CHUK: variants seen among roughly 807,000 people sequenced by gnomAD.
CHUK encodes the protein component of inhibitor of nuclear factor kappa B kinase complex, also known as inhibitor of nuclear factor kappa-B kinase subunit alpha.
Under a neutral mutation model 104.8 loss-of-function variants are expected in CHUK, and 35 were observed. That is an observed-to-expected ratio of 0.33 (90% confidence interval 0.26 to 0.44). The LOEUF (loss-of-function observed/expected upper bound fraction) is 0.44. Ranked by LOEUF, CHUK falls within the 20% of genes least tolerant of loss-of-function variation. The probability of loss-of-function intolerance (pLI) is 1.00; values close to 1 mark genes in which losing one functional copy is unlikely to be tolerated. For synonymous variants in CHUK, 276 were observed against 291.9 expected (o/e 0.95, Z 0.56); for missense variants, 663 against 902.7 (o/e 0.73, Z 3.40).
In CHUK at chr10:100,222,862, C is replaced by G. The variant is rs1313479593; in HGVS notation, c.315+4G>C. 1 of 1,392,808 alleles carries G rather than the reference C, an allele frequency of 7.2e-7. No homozygotes were observed. Among genetic ancestry groups the G allele is most frequent in the African/African-American group, 1.4e-5 (1 of 70,598 alleles). 86.3% of individuals were successfully genotyped at this position (1,392,808 alleles called of 1,614,324 possible). On this transcript the variant is annotated splice_donor_region_variant and intron_variant, in intron 3 of 20. Coordinates refer to ENST00000370397, the MANE Select transcript of CHUK (RefSeq NM_001278.5). ...TCTCTCTCATCTCAAAACATCCACACTACCTTTCGGAGATCTCCTCCAGAA... is the reference window on the plus strand; with the variant it reads ...TCTCTCTCATCTCAAAACATCCACAGTACCTTTCGGAGATCTCCTCCAGAA...
At chr10:100,204,458 C>A (rs749671032) in intron 13 of CHUK, 48 bp downstream of exon 13, 5 of 1,548,232 alleles carry the variant, frequency 3.2e-6, no homozygotes, top group Non-Finnish European at 3.6e-6. Flanking sequence ...TAACAGATGG[C>A]TTCAAGAAAC....
intron 9 of CHUK, among the ~76,000 whole-genome samples, chr10:100,210,964 G>A (rs969562038): frequency 2.0e-5 from 3 of 152,178 alleles, no homozygotes; most frequent in African/African-American, 7.2e-5. Flanking sequence ...CCTTAGAAAA[G>A]CCATACGAAA....
chr10:100,186,444 T>A (rs1320900195), downstream of CHUK: 1 of 168,218 alleles, frequency 5.9e-6, no homozygotes, highest in Non-Finnish European at 1.3e-5. Flanking sequence ...AATAAAGTGC[T>A]GTGAAAGTTC....
Position 100,209,704 on chromosome 10 carries a change from C to A in CHUK, c.1019G>T (p.Arg340Leu), listed in dbSNP as rs768130950. ...PDESLHSLQS[R>L]IERETGINTG... Reference sequence around the variant, plus strand: ...ATTTATTCCAGTTTCACGCTCAATACGAGACTGTAGTGAATGAAGACTTTC... The same window carrying A: ...ATTTATTCCAGTTTCACGCTCAATAAGAGACTGTAGTGAATGAAGACTTTC... Residue 340 changes from arginine to leucine, a missense_variant, in exon 10 of 21, where the codon CGT becomes CTT. Coordinates refer to ENST00000370397, the MANE Select transcript of CHUK (RefSeq NM_001278.5). 8 of 1,576,658 alleles carry A rather than the reference C, an allele frequency of 5.1e-6. No homozygotes were observed. Among genetic ancestry groups the A allele is most frequent in the Non-Finnish European group, 7.0e-6 (8 of 1,146,272 alleles).
At chr10:100,216,658 G>A (rs1254516541) in intron 9 of CHUK, among the ~76,000 whole-genome samples, 4 of 152,134 alleles carry the variant, frequency 2.6e-5, no homozygotes, top group Non-Finnish European at 4.4e-5. Flanking sequence ...GAGCTATCTC[G>A]CCATGTACTC....
chr10:100,200,686 T>A lies in CHUK; in HGVS notation c.1664A>T (p.Asp555Val). Residue 555 changes from aspartate (D) to valine (V), a missense_variant, in exon 15 of 21, where the codon GAC becomes GTC. Asp to Val is a radical substitution (Grantham distance 152). Around this residue, in one of 5 missense-constraint regions of CHUK, gnomAD observed 311 missense variants for 393.4 expected, o/e 0.79. Coordinates refer to ENST00000370397, the MANE Select transcript of CHUK (RefSeq NM_001278.5). ...QKSPYGRRQG[D>V]LMESLEQRAI... ...GCATCCTTACAGAGATTCCATCAAG[T>A]CTCCCTGACGTCTTCCATAGGGGCT... is the stretch of plus-strand genomic sequence containing the variant. The A allele has an allele frequency of 6.5e-7, 1 of 1,528,840 alleles. No individual in the cohort carries two copies. Among genetic ancestry groups the A allele is most frequent in the Non-Finnish European group, 9.1e-7 (1 of 1,102,970 alleles). 94.7% of individuals were successfully genotyped at this position (1,528,840 alleles called of 1,614,324 possible).
rs189928575 is a variant in CHUK, at chr10:100,209,026, C to G, written c.1128+569G>C. The stretch of plus-strand genomic sequence containing the variant: ...TAAACCTCTGTGATTTAATAGGAGA[C>G]AAGATAAGGGTAATCACCCCAGCAC... On this transcript the variant is annotated intron_variant, in intron 10 of 20. Transcript: ENST00000370397. 3.0e-3 allele frequency among the ~76,000 whole-genome samples: 454 copies of G among 152,200 alleles called. 4 individuals are homozygous for G. Among genetic ancestry groups the G allele is most frequent in the African/African-American group, 0.011 (443 of 41,520 alleles).
intron 4 of CHUK, 39 bp downstream of exon 4, chr10:100,222,073 G>C (rs759007581): frequency 5.6e-5 from 57 of 1,019,360 alleles, no homozygotes; most frequent in Non-Finnish European, 8.7e-5. Flanking sequence ...GGGCCAAAGG[G>C]ACATTACATT....
chr10:100,215,891 T>A (rs1049042687), intron 9 of CHUK, among the ~76,000 whole-genome samples: 13 of 152,218 alleles, frequency 8.5e-5, no homozygotes, highest in African/African-American at 2.4e-4. Flanking sequence ...CTAAAAACTC[T>A]CATTCTTCAA....
chr10:100,208,582 G>A (rs974710497), intron 10 of CHUK, among the ~76,000 whole-genome samples: 4 of 152,148 alleles, frequency 2.6e-5, no homozygotes, highest in South Asian at 2.1e-4. Flanking sequence ...TAGGCAGATC[G>A]CCTGAGGTCG....
intron 16 of CHUK, among the ~76,000 whole-genome samples, chr10:100,199,137 C>T (rs1304202248): frequency 6.6e-6 from 1 of 152,170 alleles, no homozygotes; most frequent in African/African-American, 2.4e-5. Context: ...CTCTTTCCAG[C>T]AGACCTTGCT....
intron 13 of CHUK, among the ~76,000 whole-genome samples, chr10:100,202,719 T>C (rs1197156897): frequency 6.6e-6 from 1 of 152,090 alleles, no homozygotes; most frequent in Non-Finnish European, 1.5e-5. Flanking sequence ...TAAAAATATA[T>C]ATATTTATAC....
At chr10:100,226,738 G>A (rs977151736) in intron 1 of CHUK, among the ~76,000 whole-genome samples, 1 of 152,232 alleles carries the variant, frequency 6.6e-6, no homozygotes, top group Non-Finnish European at 1.5e-5. Flanking sequence ...CACAAGGAGA[G>A]TTCAAAAGAA....
At chr10:100,198,396 C>G (rs918976717) in intron 16 of CHUK, among the ~76,000 whole-genome samples, 9 of 152,180 alleles carry the variant, frequency 5.9e-5, no homozygotes, top group Admixed American at 5.9e-4. Flanking sequence ...ACTGCTTTAT[C>G]AAGGACATTT....
rs56149905 is a variant in CHUK at position 100,208,782 on chromosome 10, TA to T, written c.1128+812del. ...GCCTGGGCAACAGAGCAAGACTGTC[TA>T]AAAAAAAAAAAAACTGGAAGAGCCA... On this transcript the variant is annotated intron_variant, in intron 10 of 20. Coordinates refer to ENST00000370397, the MANE Select transcript of CHUK (RefSeq NM_001278.5). Among the ~76,000 whole-genome samples, 576 of 125,490 alleles carry T rather than the reference TA, an allele frequency of 4.6e-3. 7 individuals carry two copies. The highest frequency in any genetic ancestry group is 7.9e-3 in the Middle Eastern group (2 of 252). 82.3% of individuals were successfully genotyped at this position (125,490 alleles called of 152,430 possible).
At chr10:100,220,716 CATT>C (rs1845967090) in intron 4 of CHUK, 40 bp from the exon 5 acceptor site, 2 of 1,350,162 alleles carry the variant, frequency 1.5e-6, no homozygotes, top group Non-Finnish European at 2.1e-6. Context: ...TAACAGAAAT[CATT>C]GAGTTAAAAG....
chr10:100,200,211 T>C (rs112763612), intron 15 of CHUK, among the ~76,000 whole-genome samples, 191 bp from the exon 16 acceptor site: 112 of 152,336 alleles, frequency 7.4e-4, no homozygotes, highest in African/African-American at 2.5e-3. Flanking sequence ...AAGTTTAATA[T>C]AGTTCATATC....
At chr10:100,209,456 T>C in intron 10 of CHUK, 139 bp downstream of exon 10, 2 of 666,002 alleles carry the variant, frequency 3.0e-6, no homozygotes, top group Non-Finnish European at 5.4e-6. Flanking sequence ...TGCAAAGCAA[T>C]GATAAGAGTT....
intron 9 of CHUK, among the ~76,000 whole-genome samples, chr10:100,212,637 T>C (rs1845756380): frequency 6.6e-6 from 1 of 152,220 alleles, no homozygotes; most frequent in Non-Finnish European, 1.5e-5. Flanking sequence ...CTGTACACTT[T>C]TTAGTTTGAA....
Sources: gnomAD v4.1 joint callset for allele counts (sites outside exome capture counted in the v4.1 genomes callset) on GRCh38, gnomAD v4.1.1 for gene constraint, gnomAD v4.1.1 regional missense constraint, MANE v1.5 for transcripts, NCBI Gene and HGNC (gene_info 2026-07-23, HGNC 2026-07-21) for gene names.